NFATC2: variants seen among roughly 807,000 people sequenced by gnomAD.
NFATC2 encodes nuclear factor of activated T-cells, cytoplasmic 2.
A neutral mutation model predicts 87.3 loss-of-function variants in NFATC2; 22 were observed. The ratio of observed to expected loss-of-function variants is 0.25; its 90% CI spans 0.18 to 0.36. NFATC2 has a LOEUF of 0.36. NFATC2 is among the 10% of genes least tolerant of loss of function. NFATC2 has a pLI of 1.00. For missense variants in NFATC2, 1,149 were observed against 1,259.1 expected, an observed-to-expected ratio of 0.91 and a Z score of 1.32; for synonymous variants, 565 against 542.2, an observed-to-expected ratio of 1.04 and a Z score of -0.58.
At chr20:51,427,414 T>C (rs1461408551) in intron 9 of NFATC2, among the ~76,000 whole-genome samples, 1 of 152,204 alleles carries the variant, frequency 6.6e-6, no homozygotes, top group Admixed American at 6.5e-5. Flanking sequence ...TTGATCACAT[T>C]TGGGCAATTC....
rs1371505006 is a variant in NFATC2 at position 51,432,039 on chromosome 20, A to C, written c.2722+28T>G. ...AGATGCTTCAGGGCACCATCCTTAC[A>C]GGCAGTGACAAAACTCAAGCGTCTT... On this transcript the variant is annotated intron_variant, in intron 9 of 10. Transcript: ENST00000371564. This position sits in a 1 kb window ranked among gnomAD's most constrained non-coding sequence, Gnocchi z 4.6. 6.6e-7 allele frequency: 1 copy of C among 1,510,304 alleles called. No homozygotes were observed. Among genetic ancestry groups the C allele is most frequent in the Admixed American group, 2.2e-5 (1 of 44,642 alleles). The allele number at this position is 1,510,304 out of a possible 1,614,324, so 93.6% of individuals were successfully genotyped here.
intron 10 of NFATC2, among the ~76,000 whole-genome samples, chr20:51,396,423 C>CTAGGCCCTTTCCCTT (rs1390518385): frequency 1.3e-5 from 2 of 152,172 alleles, no homozygotes; most frequent in Non-Finnish European, 2.9e-5. Flanking sequence ...TTCACTCACT[C>CTAGGCCCTTTCCCTT]TAGGCCCTTT....
intron 10 of NFATC2, among the ~76,000 whole-genome samples, chr20:51,395,509 T>C (rs1986929161): frequency 6.6e-6 from 1 of 152,220 alleles, no homozygotes; most frequent in African/African-American, 2.4e-5. Context: ...CAGAACACAA[T>C]TGAGGCCAGC....
intron 1 of NFATC2, among the ~76,000 whole-genome samples, chr20:51,561,471 G>GAA (rs1221269362): frequency 2.9e-5 from 4 of 137,952 alleles, no homozygotes; most frequent in Non-Finnish European, 6.3e-5. Context: ...AAGAAAGAAA[G>GAA]AAAGAAAGAA....
Position 51,389,581 on chromosome 20 carries a change from TAA to T in NFATC2, c.*1913_*1914del, listed in dbSNP as rs1986105308. On this transcript the variant is annotated 3_prime_UTR_variant, in exon 11 of 11. Coordinates refer to ENST00000371564, the MANE Select transcript of NFATC2 (RefSeq NM_012340.5). ...ACCTCTTACTGGCATTCTGTTTATTTAAAAGAGAATTTTGCTAAACTCTTTGA... is the reference window on the plus strand; with the variant it reads ...ACCTCTTACTGGCATTCTGTTTATTTAAGAGAATTTTGCTAAACTCTTTGA... 6.6e-6 allele frequency: 1 copy of T among 152,210 alleles called. No homozygotes were observed. The highest frequency in any genetic ancestry group is 2.1e-4 in the South Asian group (1 of 4,824). 9.4% of individuals were successfully genotyped at this position (152,210 alleles called of 1,614,324 possible). A position where few individuals can be genotyped will look rare whatever the true frequency, so the allele number is the denominator to read the frequency against.
intron 2 of NFATC2, among the ~76,000 whole-genome samples, chr20:51,517,605 GAAAC>G (rs1013804988): frequency 4.0e-5 from 6 of 149,918 alleles, no homozygotes; most frequent in Non-Finnish European, 1.5e-5. Context: ...AAAAAAAAAA[GAAAC>G]AAAACAAAAC....
chr20:51,529,977 G>A (rs748835222), intron 1 of NFATC2, among the ~76,000 whole-genome samples: 9 of 152,086 alleles, frequency 5.9e-5, no homozygotes, highest in Non-Finnish European at 1.3e-4. Context: ...TCAGTGTTTT[G>A]AGTATAGAGT....
At chr20:51,406,302 C>G (rs765413622) in intron 9 of NFATC2, among the ~76,000 whole-genome samples, 16 of 152,248 alleles carry the variant, frequency 1.1e-4, no homozygotes, top group Non-Finnish European at 1.9e-4. Flanking sequence ...AGCACAAACA[C>G]TGGTCCTTGG....
Position 51,390,981 on chromosome 20 carries a change from T to G in NFATC2, c.*515A>C, listed in dbSNP as rs998102307. ...TTGCCTTCAAAAGGTACAGGAGCTGTATCTGTGACCTGGAAAAACGAACGC... is the reference window on the plus strand; with the variant it reads ...TTGCCTTCAAAAGGTACAGGAGCTGGATCTGTGACCTGGAAAAACGAACGC... On this transcript the variant is annotated 3_prime_UTR_variant, in exon 11 of 11. Coordinates refer to ENST00000371564, the MANE Select transcript of NFATC2 (RefSeq NM_012340.5). 8.9e-6 allele frequency: 3 copies of G among 336,614 alleles called. No individual in the cohort carries two copies. The highest frequency in any genetic ancestry group is 1.8e-5 in the Non-Finnish European group (3 of 170,486). 20.9% of individuals were successfully genotyped at this position (336,614 alleles called of 1,614,324 possible). A position where few individuals can be genotyped will look rare whatever the true frequency, so the allele number is the denominator to read the frequency against.
intron 6 of NFATC2, among the ~76,000 whole-genome samples, chr20:51,449,474 C>A (rs1257215238): frequency 6.6e-6 from 1 of 152,142 alleles, no homozygotes; most frequent in African/African-American, 2.4e-5. Flanking sequence ...TTCAGTTAGG[C>A]ATGGAAGGGT....
chr20:51,432,154 G>A lies in NFATC2; in HGVS notation c.2635C>T (p.Pro879Ser). Residue 879 changes from proline to serine, a missense_variant, in exon 9 of 11, where the codon CCC (proline) becomes TCC (serine). Around this residue, in one of 3 missense-constraint regions of NFATC2, gnomAD observed 581 missense variants for 649.7 expected, o/e 0.89. Transcript: ENST00000371564. This position sits in a 1 kb window ranked among gnomAD's most constrained non-coding sequence, Gnocchi z 4.6. ...ACTTCCTTTTGGTCACTGACCGGGG[G>A]TCCGTTTTTGGCGGCTCTTTGGCTC... The part of the protein sequence containing the change: ...ATSQRAAKNG[P>S]PVSDQKEVLP... The A allele has an allele frequency of 2.5e-6, 4 of 1,601,304 alleles. No homozygotes were observed. The highest frequency in any genetic ancestry group is 2.2e-5 in the East Asian group (1 of 44,632).
At chr20:51,494,783 T>A (rs1410739323) in intron 3 of NFATC2, among the ~76,000 whole-genome samples, 1 of 152,132 alleles carries the variant, frequency 6.6e-6, no homozygotes, top group African/African-American at 2.4e-5. Flanking sequence ...AGGGGAAAGC[T>A]CAACTCTGAC....
chr20:51,547,458 C>T (rs1455678553), upstream of NFATC2, among the ~76,000 whole-genome samples: 1 of 152,178 alleles, frequency 6.6e-6, no homozygotes, highest in South Asian at 2.1e-4. Flanking sequence ...CAAGGTGGCT[C>T]TGCGTCCCCA....
intron 9 of NFATC2, among the ~76,000 whole-genome samples, chr20:51,405,008 C>T (rs1041725652): frequency 2.6e-5 from 4 of 152,178 alleles, no homozygotes; most frequent in Admixed American, 6.5e-5. Flanking sequence ...CATGGTGATT[C>T]TGAGACTCTG....
intron 9 of NFATC2, among the ~76,000 whole-genome samples, chr20:51,404,182 G>A (rs1329373900): frequency 6.6e-6 from 1 of 152,164 alleles, no homozygotes; most frequent in African/African-American, 2.4e-5. Flanking sequence ...GCAGCCAACA[G>A]CTCCTCCCTT....
chr20:51,556,461 T>C (rs1034678394), intron 1 of NFATC2, among the ~76,000 whole-genome samples: 3 of 152,174 alleles, frequency 2.0e-5, no homozygotes, highest in South Asian at 4.1e-4. Flanking sequence ...ATCCTGGCTA[T>C]TTCCTGGCAA....
chr20:51,432,567 C>T lies in NFATC2; in HGVS notation c.2222G>A (p.Arg741His), dbSNP rs756187389. 224 of 1,536,290 alleles carry T rather than the reference C, an allele frequency of 1.5e-4. 1 individual carries two copies. In the South Asian group the frequency reaches 2.7e-3, roughly 18 times the overall value. The change falls in exon 9 of 11, where the codon CGC (arginine) becomes CAC (histidine). Residue 741 changes from arginine (R) to histidine (H), a missense_variant. Coordinates refer to ENST00000371564, the MANE Select transcript of NFATC2 (RefSeq NM_012340.5). The surrounding 1 kb of genome is among the most constrained non-coding windows in gnomAD (Gnocchi z 4.6). ...GGCCGCTGGGTTCTGTTGCTGGTAG[C>T]GGGCGTCAGGGGATGAGAGCCCCGT... The part of the protein sequence containing the change: ...FRTGLSSPDA[R>H]YQQQNPAAVL...
At chr20:51,465,663 C>G (rs1283035034) in intron 5 of NFATC2, among the ~76,000 whole-genome samples, 1 of 152,062 alleles carries the variant, frequency 6.6e-6, no homozygotes, top group Admixed American at 6.5e-5. Flanking sequence ...AGGGGCCTTC[C>G]CTGATCGGCA....
At chr20:51,526,389 T>C (rs775080533) in intron 1 of NFATC2, among the ~76,000 whole-genome samples, 5 of 152,144 alleles carry the variant, frequency 3.3e-5, no homozygotes, top group Non-Finnish European at 7.3e-5. Context: ...GGGAACCGAA[T>C]GGCCCCCAAA....
Sources: allele counts gnomAD v4.1 joint callset (sites outside exome capture counted in the v4.1 genomes callset), GRCh38; gene constraint gnomAD v4.1.1; regional missense constraint gnomAD v4.1.1; non-coding constraint Gnocchi (gnomAD v3.1); transcripts MANE v1.5; gene names NCBI Gene and HGNC (gene_info 2026-07-23, HGNC 2026-07-21).